Variants in ADGRB3 observed in about 807,000 individuals in gnomAD.
ADGRB3 encodes the protein adhesion G protein-coupled receptor B3, also known as brain-specific angiogenesis inhibitor 3.
ADGRB3 carries 37 observed loss-of-function variants against 193.4 expected under a neutral mutation model. The ratio of observed to expected loss-of-function variants is 0.19; its 90% CI spans 0.15 to 0.25. ADGRB3 has a LOEUF of 0.25. Among genes scored for constraint, ADGRB3 ranks in the 10% least tolerant of loss-of-function variants. ADGRB3 has a pLI of 1.00. For missense variants in ADGRB3, 1,637 were observed against 1,852.9 expected, an observed-to-expected ratio of 0.88 and a Z score of 2.14; for synonymous variants, 690 against 644.2, an observed-to-expected ratio of 1.07 and a Z score of -1.08.
At chr6:68,694,482 TG>T (rs1205501002) in intron 3 of ADGRB3, among the ~76,000 whole-genome samples, 3 of 151,834 alleles carry the variant, frequency 2.0e-5, no homozygotes, top group Non-Finnish European at 2.9e-5. Flanking sequence ...GGGAGTGAGG[TG>T]GGGGGAGGTG....
intron 3 of ADGRB3, among the ~76,000 whole-genome samples, chr6:68,730,856 T>C (rs1765760393): frequency 6.6e-6 from 1 of 151,664 alleles, no homozygotes. Context: ...TAGTTAGCTT[T>C]TATTTCAGAC....
chr6:68,844,204 A>C (rs1768226826), intron 3 of ADGRB3, among the ~76,000 whole-genome samples: 1 of 152,146 alleles, frequency 6.6e-6, no homozygotes, highest in Non-Finnish European at 1.5e-5. Flanking sequence ...TCAGTACAGC[A>C]AAAGAAACAA....
At chr6:68,899,194 T>A (rs553926117) in intron 3 of ADGRB3, among the ~76,000 whole-genome samples, 2 of 152,154 alleles carry the variant, frequency 1.3e-5, no homozygotes, top group Non-Finnish European at 2.9e-5. Flanking sequence ...TTTCAAAAAA[T>A]TTAAAAAATT....
chr6:69,063,125 C>A, intron 16 of ADGRB3, 89 bp downstream of exon 16: 1 of 971,396 alleles, frequency 1.0e-6, no homozygotes, highest in Non-Finnish European at 1.6e-6. Context: ...AATACATTTT[C>A]TAGACTTTTA....
intron 17 of ADGRB3, among the ~76,000 whole-genome samples, chr6:69,108,507 A>T (rs556862049): frequency 6.6e-6 from 1 of 152,042 alleles, no homozygotes; most frequent in South Asian, 2.1e-4. Context: ...TCAGCTTGCA[A>T]TGCAGGAGTG....
Position 68,930,579 on chromosome 6 carries a change from C to T in ADGRB3, c.778C>T (p.His260Tyr). Residue 260 changes from histidine (H) to tyrosine (Y), a missense_variant, in exon 4 of 32, where the codon CAT (histidine) becomes TAT (tyrosine). Physicochemically the swap from His to Tyr is moderately conservative, Grantham distance 83. This residue lies in a region of ADGRB3 where 365 missense variants were observed against 409.8 expected (regional missense o/e 0.89). Transcript: ENST00000370598. ...PKEEFGMMGD[H>Y]TIKSQRPRSV... is the part of the protein sequence containing the mutation. ...TTTAGAATTTGGAATGATGGGAGAT[C>T]ATACAATTAAAAGTCAGCGACCTCG... The T allele has an allele frequency of 6.2e-7, 1 of 1,611,212 alleles. No homozygotes were observed. The highest frequency in any genetic ancestry group is 8.5e-7 in the Non-Finnish European group (1 of 1,178,338).
chr6:69,208,068 A>G (rs1366537933), intron 17 of ADGRB3, among the ~76,000 whole-genome samples: 1 of 152,242 alleles, frequency 6.6e-6, no homozygotes, highest in Non-Finnish European at 1.5e-5. Flanking sequence ...AGCAGTGGTC[A>G]TAGCCAGGTC....
At chr6:69,269,948 A>G (rs1767137046) in intron 20 of ADGRB3, among the ~76,000 whole-genome samples, 1 of 152,186 alleles carries the variant, frequency 6.6e-6, no homozygotes, top group South Asian at 2.1e-4. Flanking sequence ...GTAAAATTAG[A>G]TACTTGAAAG....
chr6:69,285,751 T>A lies in ADGRB3; in HGVS notation c.2815-39121T>A, dbSNP rs145977296. On this transcript the variant is annotated intron_variant, in intron 20 of 31. Coordinates refer to ENST00000370598, the MANE Select transcript of ADGRB3 (RefSeq NM_001704.3). ...CAAGAACTACTTGCAACCCTCTAACTATATTTGATATTCTGCATGCTCTCC... is the reference window on the plus strand; with the variant it reads ...CAAGAACTACTTGCAACCCTCTAACAATATTTGATATTCTGCATGCTCTCC... Among the ~76,000 whole-genome samples, 1,471 of 152,098 alleles carry A rather than the reference T, an allele frequency of 9.7e-3. 25 individuals carry two copies. The highest frequency in any genetic ancestry group is 0.034 in the African/African-American group (1,405 of 41,476).
chr6:69,314,151 TC>T (rs1413548009), intron 20 of ADGRB3, among the ~76,000 whole-genome samples: 2 of 151,684 alleles, frequency 1.3e-5, no homozygotes, highest in Non-Finnish European at 3.0e-5. Context: ...AGCTCACATT[TC>T]AAAAAATCAG....
chr6:68,950,902 T>C (rs1767898874), intron 6 of ADGRB3, among the ~76,000 whole-genome samples: 1 of 152,190 alleles, frequency 6.6e-6, no homozygotes, highest in African/African-American at 2.4e-5. Context: ...ATGTAAATTC[T>C]ATCTTATCAC....
At chr6:68,982,462 C>G (rs1768945548) in intron 10 of ADGRB3, among the ~76,000 whole-genome samples, 1 of 152,104 alleles carries the variant, frequency 6.6e-6, no homozygotes, top group East Asian at 1.9e-4. Context: ...GTTTGTAGAG[C>G]CTATATGTGC....
intron 3 of ADGRB3, among the ~76,000 whole-genome samples, chr6:68,850,900 G>C (rs1403802469): frequency 1.3e-5 from 2 of 151,870 alleles, no homozygotes; most frequent in Non-Finnish European, 2.9e-5. Context: ...TCCTCAACTT[G>C]TGTTCATAAG....
intron 3 of ADGRB3, among the ~76,000 whole-genome samples, chr6:68,919,557 T>C (rs1433755342): frequency 6.6e-6 from 1 of 151,932 alleles, no homozygotes; most frequent in Non-Finnish European, 1.5e-5. Context: ...AGGCAGAACC[T>C]AAGGGAAAAA....
intron 17 of ADGRB3, among the ~76,000 whole-genome samples, chr6:69,153,971 C>T (rs368564119): frequency 1.9e-3 from 291 of 151,798 alleles, no homozygotes; most frequent in African/African-American, 6.6e-3. Context: ...CCAGCCAGGG[C>T]GACAGAGTGA....
At chr6:69,038,829 AGGTTCAGT>A (rs1770948769) in intron 13 of ADGRB3, among the ~76,000 whole-genome samples, 1 of 152,246 alleles carries the variant, frequency 6.6e-6, no homozygotes, top group South Asian at 2.1e-4. Context: ...AGCCTGTTCA[AGGTTCAGT>A]AGTTCCTTCT....
intron 17 of ADGRB3, 184 bp from the exon 18 acceptor site, chr6:69,233,106 A>T (rs764082750): frequency 1.7e-5 from 14 of 845,440 alleles, no homozygotes; most frequent in African/African-American, 3.5e-5. Flanking sequence ...GCTTTTTCCC[A>T]CTCTCGCTTT....
intron 3 of ADGRB3, among the ~76,000 whole-genome samples, chr6:68,867,591 A>T (rs1765332340): frequency 6.6e-6 from 1 of 152,162 alleles, no homozygotes; most frequent in Admixed American, 6.5e-5. Flanking sequence ...CCAGAATGGT[A>T]GGTCCACAGA....
At position 69,333,022 on chromosome 6, in the gene ADGRB3, G is replaced by T; in HGVS notation, c.3188+14G>T. 6.2e-7 allele frequency: 1 copy of T among 1,611,606 alleles called. No homozygotes were observed. The highest frequency in any genetic ancestry group is 8.5e-7 in the Non-Finnish European group (1 of 1,178,362). Reference sequence around the variant, plus strand: ...ACACAGAGCCGGGTAAGCTGCAATTGGTGGATTTTGAAGGTTATTTATCAG... The same window carrying T: ...ACACAGAGCCGGGTAAGCTGCAATTTGTGGATTTTGAAGGTTATTTATCAG... On this transcript the variant is annotated intron_variant, in intron 24 of 31. Transcript: ENST00000370598.
Sources: gnomAD v4.1 joint callset for allele counts (sites outside exome capture counted in the v4.1 genomes callset) on GRCh38, gnomAD v4.1.1 for gene constraint, gnomAD v4.1.1 regional missense constraint, MANE v1.5 for transcripts, NCBI Gene and HGNC (gene_info 2026-07-23, HGNC 2026-07-21) for gene names.